Variants in DPP6 observed in about 807,000 individuals in gnomAD.
The protein encoded by DPP6 is dipeptidyl peptidase like 6.
DPP6 carries 69 observed loss-of-function variants against 122.6 expected under a neutral mutation model. That is an observed-to-expected ratio of 0.56 (90% CI 0.46 to 0.69). DPP6 has a LOEUF of 0.69. Among genes scored for constraint, DPP6 ranks in the 30% least tolerant of loss-of-function variants. DPP6 has a pLI of 0.00. For missense variants in DPP6, 928 were observed against 1,116.9 expected (o/e 0.83, Z 2.41); for synonymous variants, 418 against 433.1 (o/e 0.97, Z 0.43).
At chr7:153,834,275 T>TA in the DPP6 span, among the ~76,000 whole-genome samples, 335 of 138,920 alleles carry the variant, frequency 2.4e-3, 1 homozygote, top group African/African-American at 4.2e-3. Flanking sequence ...TGACTCCATC[T>TA]AAAAAAAAAA....
intron 1 of DPP6, among the ~76,000 whole-genome samples, chr7:154,277,769 A>T (rs965496343): frequency 1.3e-5 from 2 of 152,186 alleles, no homozygotes; most frequent in Non-Finnish European, 2.9e-5. Context: ...TGTCTCCAAA[A>T]ATAAAAAACT....
chr7:153,862,209 A>G, the DPP6 span, among the ~76,000 whole-genome samples: 3 of 152,226 alleles, frequency 2.0e-5, no homozygotes. Context: ...ATACAGCTGG[A>G]AAAGAGGAAA....
chr7:154,081,511 C>T (rs1207896040), intron 1 of DPP6, among the ~76,000 whole-genome samples: 1 of 143,136 alleles, frequency 7.0e-6, no homozygotes, highest in Non-Finnish European at 1.5e-5. Flanking sequence ...CCTCTGCTCC[C>T]TCCCCACCAC....
intron 8 of DPP6, among the ~76,000 whole-genome samples, chr7:154,736,965 C>T (rs953674308): frequency 2.6e-5 from 4 of 152,136 alleles, no homozygotes; most frequent in South Asian, 2.1e-4. Context: ...TTGTTAACCT[C>T]GTTTTAATTA....
At chr7:154,531,759 T>C (rs1827854855) in intron 3 of DPP6, among the ~76,000 whole-genome samples, 2 of 152,176 alleles carry the variant, frequency 1.3e-5, no homozygotes, top group East Asian at 3.8e-4. Context: ...ATAACAAGTA[T>C]AATTGCGTGG....
intron 1 of DPP6, among the ~76,000 whole-genome samples, chr7:154,318,303 G>C (rs1315995822): frequency 6.6e-6 from 1 of 152,096 alleles, no homozygotes; most frequent in Non-Finnish European, 1.5e-5. Context: ...CGTCTCCCTC[G>C]TTCTCACTCT....
At chr7:154,002,249 G>T (rs1315530073) in intron 1 of DPP6, among the ~76,000 whole-genome samples, 1 of 151,814 alleles carries the variant, frequency 6.6e-6, no homozygotes, top group African/African-American at 2.4e-5. Context: ...CGGACAATGA[G>T]CCTTGACTGC....
intron 1 of DPP6, among the ~76,000 whole-genome samples, chr7:153,901,856 C>T (rs540789390): frequency 1.8e-4 from 28 of 152,318 alleles, no homozygotes; most frequent in African/African-American, 6.0e-4. Flanking sequence ...CTTCAACATG[C>T]ATTTCTTTCC....
chr7:154,707,495 G>A (rs1475305915), intron 7 of DPP6, among the ~76,000 whole-genome samples: 1 of 152,140 alleles, frequency 6.6e-6, no homozygotes, highest in Non-Finnish European at 1.5e-5. Flanking sequence ...AGAATAAACA[G>A]TTATAGCCAT....
chr7:154,166,499 G>C (rs73483562), intron 1 of DPP6, among the ~76,000 whole-genome samples: 8,861 of 152,016 alleles, frequency 0.058, 872 homozygotes, highest in African/African-American at 0.2. Flanking sequence ...CTGAGGCGTG[G>C]ACTACAGAAA....
Position 154,477,531 on chromosome 7 carries a change from C to CAAA in DPP6, c.457+2503_457+2505dup, listed in dbSNP as rs34335151. On this transcript the variant is annotated intron_variant, in intron 3 of 25. Transcript: ENST00000377770. ...CTTGGCCTAAAGCAGCATTCCATGCCAAAAAAAAAAAGTATATGTAGAGAT... is the reference window on the plus strand; with the variant it reads ...CTTGGCCTAAAGCAGCATTCCATGCCAAAAAAAAAAAAAAGTATATGTAGAGAT... 3.9e-4 allele frequency among the ~76,000 whole-genome samples: 58 copies of CAAA among 149,028 alleles called. 1 individual carries two copies. Among genetic ancestry groups the CAAA allele is most frequent in the South Asian group, 1.7e-3 (8 of 4,758 alleles).
At chr7:154,535,094 A>AC (rs1054739626) in intron 3 of DPP6, among the ~76,000 whole-genome samples, 5 of 152,100 alleles carry the variant, frequency 3.3e-5, no homozygotes, top group Admixed American at 2.0e-4. Context: ...TGACAAAAAA[A>AC]AATGCTGAAG....
chr7:154,815,682 G>A (rs1587230293), intron 16 of DPP6, among the ~76,000 whole-genome samples: 4 of 152,300 alleles, frequency 2.6e-5, no homozygotes, highest in African/African-American at 9.6e-5. Flanking sequence ...TCCTTCTCCT[G>A]AAGCCGAGGA....
chr7:154,738,965 A>C (rs1243567340), intron 8 of DPP6, among the ~76,000 whole-genome samples: 1 of 151,942 alleles, frequency 6.6e-6, no homozygotes, highest in Non-Finnish European at 1.5e-5. Context: ...ACTCAAGCCC[A>C]CTCTAGATCA....
chr7:153,804,155 T>C, the DPP6 span, among the ~76,000 whole-genome samples: 2 of 152,030 alleles, frequency 1.3e-5, no homozygotes, highest in South Asian at 4.2e-4. Flanking sequence ...TTTCAAGCAA[T>C]TCTCCTGCCT....
the DPP6 span, among the ~76,000 whole-genome samples, chr7:153,775,444 C>T: frequency 6.6e-6 from 1 of 151,354 alleles, no homozygotes; most frequent in Non-Finnish European, 1.5e-5. Flanking sequence ...TAACATAATT[C>T]TTAATGATGA....
At chr7:154,070,917 G>A (rs1373973777) in intron 1 of DPP6, among the ~76,000 whole-genome samples, 1 of 152,112 alleles carries the variant, frequency 6.6e-6, no homozygotes, top group East Asian at 1.9e-4. Flanking sequence ...CATCCTCTTT[G>A]AAATAATAGA....
chr7:154,844,935 G>A (rs983067368), intron 16 of DPP6, among the ~76,000 whole-genome samples: 6 of 152,108 alleles, frequency 3.9e-5, no homozygotes, highest in African/African-American at 9.7e-5. Flanking sequence ...ATATAATTCC[G>A]ATCTTAGACA....
At chr7:153,823,260 A>ATG in the DPP6 span, among the ~76,000 whole-genome samples, 1 of 151,824 alleles carries the variant, frequency 6.6e-6, no homozygotes, top group African/African-American at 2.4e-5. Flanking sequence ...GTGAGTCTTG[A>ATG]CGGAGGGGAG....
Sources: gnomAD v4.1 joint callset for allele counts (sites outside exome capture counted in the v4.1 genomes callset) on GRCh38, gnomAD v4.1.1 for gene constraint, MANE v1.5 for transcripts, NCBI Gene and HGNC (gene_info 2026-07-23, HGNC 2026-07-21) for gene names.